Variants in TSPAN9 observed in about 807,000 individuals in gnomAD.
TSPAN9 encodes tetraspanin 9.
In TSPAN9, 16 loss-of-function variants were observed where a neutral mutation model predicts 31.0. The ratio of observed to expected loss-of-function variants is 0.52; its 90% CI spans 0.35 to 0.78. The LOEUF (loss-of-function observed/expected upper bound fraction) is 0.78. TSPAN9 is among the 30% of genes least tolerant of loss of function. The probability of loss-of-function intolerance (pLI) is 0.01; values close to 1 mark genes in which losing one functional copy is unlikely to be tolerated. For missense variants in TSPAN9, 272 were observed against 312.5 expected, an observed-to-expected ratio of 0.87 and a Z score of 0.98; for synonymous variants, 145 against 121.6, an observed-to-expected ratio of 1.19 and a Z score of -1.27.
intron 3 of TSPAN9, among the ~76,000 whole-genome samples, chr12:3,212,295 A>G (rs760530830): frequency 1.3e-5 from 2 of 152,188 alleles, no homozygotes; most frequent in African/African-American, 2.4e-5. Context: ...ATTCATGAAT[A>G]TGAATAGTAT....
chr12:3,082,010 G>C (rs2098298196), intron 1 of TSPAN9, among the ~76,000 whole-genome samples: 1 of 151,676 alleles, frequency 6.6e-6, no homozygotes, highest in Admixed American at 6.6e-5. Context: ...AAAAAAAAAA[G>C]TCTGTGCTAA....
chr12:3,127,212 G>A (rs1439184002), intron 2 of TSPAN9, among the ~76,000 whole-genome samples: 1 of 152,066 alleles, frequency 6.6e-6, no homozygotes. Context: ...ACCAGCCTGG[G>A]CAACATAGTG....
Position 3,269,596 on chromosome 12 carries a change from C to CCCTCTCTGTGTTCCTGCAGCCTG in TSPAN9, c.64-8820_64-8819insCTGTGTTCCTGCAGCCTGCCTCT, listed in dbSNP as rs1242417968. ...GCCCTCTCTGTGTTCCTGCAGCCTG[C>CCCTCTCTGTGTTCCTGCAGCCTG]CCTCTGTGTTCCTGCATAGGGATGG... is the stretch of plus-strand genomic sequence containing the variant. On this transcript the variant is annotated intron_variant, in intron 3 of 8. Transcript: ENST00000011898. Among the ~76,000 whole-genome samples the CCCTCTCTGTGTTCCTGCAGCCTG allele has an allele frequency of 3.3e-3, 496 of 151,058 alleles. 5 individuals are homozygous for CCCTCTCTGTGTTCCTGCAGCCTG. Among genetic ancestry groups the CCCTCTCTGTGTTCCTGCAGCCTG allele is most frequent in the African/African-American group, 0.011 (466 of 40,664 alleles).
intron 2 of TSPAN9, among the ~76,000 whole-genome samples, chr12:3,138,042 C>G (rs986962079): frequency 7.9e-5 from 12 of 152,300 alleles, no homozygotes; most frequent in African/African-American, 2.9e-4. Flanking sequence ...ACCATCCTTG[C>G]CTTCTCTGGG....
chr12:3,261,669 G>A (rs547099775), intron 3 of TSPAN9, among the ~76,000 whole-genome samples: 71 of 152,270 alleles, frequency 4.7e-4, no homozygotes, highest in African/African-American at 1.6e-3. Context: ...AGGGAGTTTC[G>A]GGCATTTTGC....
At position 3,227,596 on chromosome 12, in the gene TSPAN9, C is replaced by A. The variant is rs761412855; in HGVS notation, c.63+26340C>A. Among the ~76,000 whole-genome samples the A allele has an allele frequency of 3.3e-4, 50 of 152,326 alleles. 1 individual carries two copies. Among genetic ancestry groups the A allele is most frequent in the Middle Eastern group, 3.4e-3 (1 of 294 alleles). On this transcript the variant is annotated intron_variant, in intron 3 of 8. Transcript: ENST00000011898. ...GGTACCTGTGGACAGGAAAATGGGT[C>A]ATGAGGGAGTGTTTGTGTGGCAGGC...
chr12:3,268,729 CCT>C (rs1862597446), intron 3 of TSPAN9, among the ~76,000 whole-genome samples: 2 of 61,960 alleles, frequency 3.2e-5, no homozygotes, highest in African/African-American at 6.7e-5. Context: ...GCCTGCCCTC[CCT>C]GTGTTCCTGC....
intron 3 of TSPAN9, among the ~76,000 whole-genome samples, chr12:3,241,638 C>T (rs528259615): frequency 1.3e-5 from 2 of 152,356 alleles, no homozygotes; most frequent in East Asian, 3.9e-4. Flanking sequence ...CGTTTCTTCC[C>T]CGACATTCCG....
intron 2 of TSPAN9, among the ~76,000 whole-genome samples, chr12:3,110,248 C>T (rs2098317802): frequency 6.6e-6 from 1 of 152,164 alleles, no homozygotes; most frequent in Non-Finnish European, 1.5e-5. Context: ...CCTCTTCCTC[C>T]ATAGGCTCCT....
At chr12:3,156,632 C>T (rs538569263) in intron 2 of TSPAN9, among the ~76,000 whole-genome samples, 36 of 152,176 alleles carry the variant, frequency 2.4e-4, no homozygotes, top group East Asian at 3.9e-4. Context: ...CTCAGCCTCC[C>T]GAGCGGCTGG....
At chr12:3,091,536 G>A (rs1160304999) in intron 2 of TSPAN9, among the ~76,000 whole-genome samples, 1 of 152,166 alleles carries the variant, frequency 6.6e-6, no homozygotes, top group Non-Finnish European at 1.5e-5. Context: ...GTTCTCCCCA[G>A]CACCAATCAT....
intron 2 of TSPAN9, among the ~76,000 whole-genome samples, chr12:3,178,106 G>A (rs1271429096): frequency 4.6e-5 from 7 of 152,042 alleles, no homozygotes; most frequent in South Asian, 2.1e-4. Context: ...GCCTTTCCCC[G>A]CTGTATGCTT....
intron 2 of TSPAN9, among the ~76,000 whole-genome samples, chr12:3,120,727 G>A (rs1466195262): frequency 6.6e-6 from 1 of 152,276 alleles, no homozygotes; most frequent in Non-Finnish European, 1.5e-5. Context: ...GGGGCTGGGA[G>A]GGCTAGGGGA....
chr12:3,087,497 G>A (rs576890374), intron 2 of TSPAN9, among the ~76,000 whole-genome samples: 10 of 152,122 alleles, frequency 6.6e-5, no homozygotes, highest in Non-Finnish European at 1.3e-4. Context: ...CTGGGTGACA[G>A]AGTGAGACCC....
At chr12:3,193,480 C>G (rs1384619374) in intron 2 of TSPAN9, among the ~76,000 whole-genome samples, 1 of 152,234 alleles carries the variant, frequency 6.6e-6, no homozygotes, top group African/African-American at 2.4e-5. Flanking sequence ...AGTACATGCT[C>G]TGAGCAGTGT....
chr12:3,149,806 T>C (rs1484607743), intron 2 of TSPAN9: 1 of 152,194 alleles, frequency 6.6e-6, no homozygotes, highest in Non-Finnish European at 1.5e-5. Flanking sequence ...AGTCTGAAGC[T>C]CTGGGAACGG....
chr12:3,167,962 AG>A (rs1342920339), intron 2 of TSPAN9, among the ~76,000 whole-genome samples: 1 of 152,188 alleles, frequency 6.6e-6, no homozygotes, highest in East Asian at 1.9e-4. Context: ...CTTATTCTGC[AG>A]GGTCAGGTCA....
chr12:3,087,676 C>T (rs549625692), intron 2 of TSPAN9, among the ~76,000 whole-genome samples: 1 of 150,484 alleles, frequency 6.6e-6, no homozygotes, highest in African/African-American at 2.5e-5. Flanking sequence ...CTTGGTGGTG[C>T]GCACCTGTAA....
intron 2 of TSPAN9, among the ~76,000 whole-genome samples, chr12:3,088,548 C>T (rs763001648): frequency 6.6e-6 from 1 of 152,208 alleles, no homozygotes; most frequent in African/African-American, 2.4e-5. Flanking sequence ...GCTCAGCCTG[C>T]CCCCACTGTT....
Sources: allele counts gnomAD v4.1 joint callset (sites outside exome capture counted in the v4.1 genomes callset), GRCh38; gene constraint gnomAD v4.1.1; transcripts MANE v1.5; gene names NCBI Gene and HGNC (gene_info 2026-07-23, HGNC 2026-07-21).